DGKI: variants seen among roughly 807,000 people sequenced by gnomAD.
DGKI encodes the protein DAG kinase iota.
A neutral mutation model predicts 147.5 loss-of-function variants in DGKI; 55 were observed. The ratio of observed to expected loss-of-function variants is 0.37; its 90% CI spans 0.30 to 0.47. The LOEUF is 0.47. DGKI is among the 20% of genes least tolerant of loss of function. DGKI has a pLI of 1.00. For synonymous variants in DGKI, 469 were observed against 477.1 expected (o/e 0.98, Z 0.22); for missense variants, 1,007 against 1,323.8 (o/e 0.76, Z 3.71).
intron 14 of DGKI, among the ~76,000 whole-genome samples, chr7:137,583,196 A>C (rs528968554): frequency 6.6e-6 from 1 of 152,208 alleles, no homozygotes; most frequent in Admixed American, 6.5e-5. Context: ...TTCAAAGCCT[A>C]TGTAATGATT....
At chr7:137,584,511 T>C (rs752819830) in intron 14 of DGKI, among the ~76,000 whole-genome samples, 3 of 152,082 alleles carry the variant, frequency 2.0e-5, no homozygotes, top group Non-Finnish European at 4.4e-5. Context: ...AGTCTGGACA[T>C]AAAGATGACA....
intron 28 of DGKI, among the ~76,000 whole-genome samples, chr7:137,427,046 G>A (rs1196373006): frequency 6.6e-6 from 1 of 151,004 alleles, no homozygotes; most frequent in Non-Finnish European, 1.5e-5. Context: ...TGCACCAAGT[G>A]GACCTAATAG....
In DGKI at chr7:137,552,402, C is replaced by T; in HGVS notation, c.2114G>A (p.Ser705Asn). The change falls in exon 20 of 33, where the codon AGC becomes AAC. Residue 705 changes from serine (S) to asparagine (N), a missense_variant. Coordinates refer to ENST00000614521, the MANE Select transcript of DGKI (RefSeq NM_001321708.2). The part of the protein sequence containing the change: ...LRNQANMVQK[S>N]KRRTSMPLLN... Reference sequence around the variant, plus strand: ...TAAAGGCATGGATGTTCTCCTCTTGCTCTTCTGTACCATGTTGGCCTGATT... The same window carrying T: ...TAAAGGCATGGATGTTCTCCTCTTGTTCTTCTGTACCATGTTGGCCTGATT... 2.5e-6 allele frequency: 4 copies of T among 1,613,734 alleles called. No individual in the cohort carries two copies. Among genetic ancestry groups the T allele is most frequent in the Admixed American group, 1.7e-5 (1 of 60,016 alleles).
Position 137,833,534 on chromosome 7 carries a change from G to A in DGKI, c.401+12928C>T, listed in dbSNP as rs1294744591. On this transcript the variant is annotated intron_variant, in intron 1 of 32. Transcript: ENST00000614521. ...CTCCCACAACACATGGGAATTATGAGAGTACAATTCAAGATGAGATTTGGG... is the reference window on the plus strand; with the variant it reads ...CTCCCACAACACATGGGAATTATGAAAGTACAATTCAAGATGAGATTTGGG... 2.6e-5 allele frequency among the ~76,000 whole-genome samples: 4 copies of A among 152,140 alleles called. No homozygotes were observed. In the East Asian group the frequency reaches 7.7e-4, roughly 29 times the overall value.
At chr7:137,522,958 C>G (rs1042831108) in intron 20 of DGKI, among the ~76,000 whole-genome samples, 5 of 151,808 alleles carry the variant, frequency 3.3e-5, no homozygotes, top group Non-Finnish European at 7.4e-5. Flanking sequence ...TGACAAAAGT[C>G]ACCACTGACT....
intron 10 of DGKI, among the ~76,000 whole-genome samples, chr7:137,607,698 G>A (rs765843436): frequency 2.0e-5 from 3 of 152,114 alleles, no homozygotes; most frequent in Non-Finnish European, 1.5e-5. Flanking sequence ...TCTAACCTTT[G>A]ATAGAACATA....
intron 28 of DGKI, among the ~76,000 whole-genome samples, chr7:137,435,447 T>C (rs1047774596): frequency 6.6e-6 from 1 of 151,806 alleles, no homozygotes; most frequent in Non-Finnish European, 1.5e-5. Context: ...GCCAGAGAGA[T>C]GGTAGGAGGT....
intron 1 of DGKI, among the ~76,000 whole-genome samples, chr7:137,768,117 G>A (rs1166704639): frequency 6.6e-6 from 1 of 152,184 alleles, no homozygotes; most frequent in Admixed American, 6.5e-5. Context: ...AGGATGTTAA[G>A]TGGACACAAG....
At chr7:137,577,428 A>G in intron 16 of DGKI, 144 bp from the exon 17 acceptor site, 1 of 623,424 alleles carries the variant, frequency 1.6e-6, no homozygotes, top group Non-Finnish European at 2.8e-6. Flanking sequence ...AAAGTAAAGC[A>G]GTGCAGTAGT....
chr7:137,727,761 A>G (rs1412571085), intron 1 of DGKI, among the ~76,000 whole-genome samples: 7 of 152,230 alleles, frequency 4.6e-5, no homozygotes, highest in Non-Finnish European at 7.3e-5. Context: ...TGAAACCATG[A>G]GAAAAACTCC....
chr7:137,759,515 T>C (rs1366155057), intron 1 of DGKI, among the ~76,000 whole-genome samples: 1 of 152,076 alleles, frequency 6.6e-6, no homozygotes. Context: ...CTAATTTTTG[T>C]ATTTTTAGTA....
At position 137,381,166 on chromosome 7, in the gene DGKI, A is replaced by C. The variant is rs1381610825; in HGVS notation, c.*10054T>G. 1 of 152,092 alleles carries C rather than the reference A, an allele frequency of 6.6e-6. No individual in the cohort carries two copies. The highest frequency in any genetic ancestry group is 1.5e-5 in the Non-Finnish European group (1 of 67,990). 9.4% of individuals were successfully genotyped at this position (152,092 alleles called of 1,614,324 possible). A position where few individuals can be genotyped will look rare whatever the true frequency, so the allele number is the denominator to read the frequency against. On this transcript the variant is annotated 3_prime_UTR_variant, in exon 33 of 33. Transcript: ENST00000614521. ...TCAGTCTCCCAAATTAACTCCATTGAAAATCTCTGTAGTGCAACACAGTGA... is the reference window on the plus strand; with the variant it reads ...TCAGTCTCCCAAATTAACTCCATTGCAAATCTCTGTAGTGCAACACAGTGA...
chr7:137,633,620 T>A (rs974015115), intron 6 of DGKI, among the ~76,000 whole-genome samples: 2 of 152,116 alleles, frequency 1.3e-5, no homozygotes, highest in Admixed American at 1.3e-4. Context: ...CCAGCTGAGA[T>A]CCCATAAAAC....
At chr7:137,773,062 C>G (rs1796255986) in intron 1 of DGKI, among the ~76,000 whole-genome samples, 1 of 152,186 alleles carries the variant, frequency 6.6e-6, no homozygotes, top group African/African-American at 2.4e-5. Context: ...AAGTGACACT[C>G]TGTACAAGAA....
At chr7:137,562,120 C>A (rs547710002) in intron 19 of DGKI, among the ~76,000 whole-genome samples, 1 of 152,254 alleles carries the variant, frequency 6.6e-6, no homozygotes, top group South Asian at 2.1e-4. Context: ...AGGTGGGTAA[C>A]AAAGGACTTT....
chr7:137,499,387 T>C (rs1005573246), intron 21 of DGKI, among the ~76,000 whole-genome samples: 3 of 152,130 alleles, frequency 2.0e-5, no homozygotes, highest in Non-Finnish European at 4.4e-5. Context: ...CTCAGATAGC[T>C]GGTAAAACAC....
At chr7:137,783,076 A>G (rs1328097504) in intron 1 of DGKI, among the ~76,000 whole-genome samples, 2 of 152,196 alleles carry the variant, frequency 1.3e-5, no homozygotes, top group Non-Finnish European at 2.9e-5. Context: ...CAAGATTATT[A>G]ACACCCTGAA....
intron 5 of DGKI, among the ~76,000 whole-genome samples, chr7:137,650,635 C>T (rs1394361912): frequency 6.6e-6 from 1 of 152,174 alleles, no homozygotes; most frequent in Non-Finnish European, 1.5e-5. Flanking sequence ...CACCCTCTTT[C>T]CTCCACATGA....
At position 137,631,571 on chromosome 7, in the gene DGKI, G is replaced by C. The variant is rs561683577; in HGVS notation, c.805-8017C>G. Among the ~76,000 whole-genome samples the C allele has an allele frequency of 5.9e-5, 9 of 152,198 alleles. No homozygotes were observed. The East Asian group carries it at 1.5e-3, about 26-fold the overall frequency. ...GTACTAGCAGGAATGGGAGAGAGTGGGGGACTGGATCCTGAGGGTGAAGGA... is the reference window on the plus strand; with the variant it reads ...GTACTAGCAGGAATGGGAGAGAGTGCGGGACTGGATCCTGAGGGTGAAGGA... On this transcript the variant is annotated intron_variant, in intron 6 of 32. Coordinates refer to ENST00000614521, the MANE Select transcript of DGKI (RefSeq NM_001321708.2).
Sources: gnomAD v4.1 joint callset for allele counts (sites outside exome capture counted in the v4.1 genomes callset) on GRCh38, gnomAD v4.1.1 for gene constraint, MANE v1.5 for transcripts, NCBI Gene and HGNC (gene_info 2026-07-23, HGNC 2026-07-21) for gene names.